The following PRKAA1 variants were observed in gnomAD, a reference collection of about 807,000 sequenced individuals.
The protein encoded by PRKAA1 is protein kinase AMP-activated catalytic subunit alpha 1, also known as 5'-AMP-activated protein kinase catalytic subunit alpha-1.
Under a neutral mutation model 56.9 loss-of-function variants are expected in PRKAA1, and 23 were observed. That is an observed-to-expected ratio of 0.40 (90% confidence interval 0.29 to 0.57). PRKAA1 has a LOEUF of 0.57. Among genes scored for constraint, PRKAA1 ranks in the 20% least tolerant of loss-of-function variants. The pLI, the probability that PRKAA1 is intolerant of heterozygous loss-of-function variation, is 0.39. For synonymous variants in PRKAA1, 226 were observed against 227.0 expected, an observed-to-expected ratio of 1.00 and a Z score of 0.04; for missense variants, 413 against 679.7, an observed-to-expected ratio of 0.61 and a Z score of 4.36.
In PRKAA1 at chr5:40,769,510, G is replaced by A. The variant is rs1743621319; in HGVS notation, c.509-7C>T. On this transcript the variant is annotated splice_region_variant and splice_polypyrimidine_tract_variant and intron_variant, in intron 4 of 8. Coordinates refer to ENST00000397128, the MANE Select transcript of PRKAA1 (RefSeq NM_006251.6). ...GACATCATGTTTGAAAGACCTGAAA[G>A]TGCACAAAATCAGCTACTCAAAAGA... The A allele has an allele frequency of 6.3e-7, 1 of 1,597,192 alleles. No individual in the cohort carries two copies. Among genetic ancestry groups the A allele is most frequent in the Non-Finnish European group, 8.5e-7 (1 of 1,170,122 alleles).
intron 1 of PRKAA1, among the ~76,000 whole-genome samples, chr5:40,781,106 G>A (rs760892667): frequency 1.1e-4 from 16 of 152,026 alleles, no homozygotes; most frequent in Non-Finnish European, 2.2e-4. Context: ...TTCTACCCCA[G>A]GTGTTGGCTT....
chr5:40,790,815 A>G (rs1188761880), intron 1 of PRKAA1, among the ~76,000 whole-genome samples: 1 of 152,240 alleles, frequency 6.6e-6, no homozygotes, highest in Non-Finnish European at 1.5e-5. Context: ...CTGGGATTAC[A>G]GGCGTGAGCC....
chr5:40,767,240 G>GT (rs1271820330), intron 6 of PRKAA1, among the ~76,000 whole-genome samples: 7 of 152,144 alleles, frequency 4.6e-5, no homozygotes, highest in African/African-American at 1.7e-4. Context: ...ACAAAGATGT[G>GT]TAAGTAAAAA....
intron 1 of PRKAA1, among the ~76,000 whole-genome samples, chr5:40,792,196 A>G (rs1744745141): frequency 6.6e-6 from 1 of 152,236 alleles, no homozygotes. Context: ...CCTTTTATAC[A>G]TAAGTGGTAG....
At chr5:40,768,900 T>A (rs762275810) in intron 5 of PRKAA1, 2 of 1,562,824 alleles carry the variant, frequency 1.3e-6, no homozygotes, top group African/African-American at 2.7e-5. Flanking sequence ...TGGTAGTTAG[T>A]AAATTGAGAG....
chr5:40,792,992 G>A (rs1055955747), intron 1 of PRKAA1, among the ~76,000 whole-genome samples: 4 of 151,608 alleles, frequency 2.6e-5, no homozygotes, highest in East Asian at 1.9e-4. Context: ...GCTTGAACCC[G>A]GGAGGTGGAA....
chr5:40,761,730 A>C lies in PRKAA1; in HGVS notation c.*1048T>G, dbSNP rs993503568. 3.3e-5 allele frequency: 5 copies of C among 152,364 alleles called. No individual in the cohort carries two copies. The highest frequency in any genetic ancestry group is 1.2e-4 in the African/African-American group (5 of 41,460). The allele number at this position is 152,364 out of a possible 1,614,324, so 9.4% of individuals were successfully genotyped here. A position where few individuals can be genotyped will look rare whatever the true frequency, so the allele number is the denominator to read the frequency against. On this transcript the variant is annotated 3_prime_UTR_variant, in exon 9 of 9. Coordinates refer to ENST00000397128, the MANE Select transcript of PRKAA1 (RefSeq NM_006251.6). The stretch of plus-strand genomic sequence containing the variant: ...GTGTGCATATACTCAATAATGACTG[A>C]CATGATGGGCCAGAGGAATTTGTGA...
chr5:40,783,526 G>C lies in PRKAA1; in HGVS notation c.128-5940C>G, dbSNP rs1471394324. Among the ~76,000 whole-genome samples, 4 of 152,218 alleles carry C rather than the reference G, an allele frequency of 2.6e-5. No homozygotes were observed. In the East Asian group the frequency reaches 7.7e-4, roughly 29 times the overall value. On this transcript the variant is annotated intron_variant, in intron 1 of 8. Coordinates refer to ENST00000397128, the MANE Select transcript of PRKAA1 (RefSeq NM_006251.6). ...GTAATCCCAGCACTTTGGAGGACGA[G>C]GTGGGTGGATCACAAGGTCAGGAGT...
intron 1 of PRKAA1, among the ~76,000 whole-genome samples, chr5:40,790,525 C>CTCTTTT (rs546238399): frequency 9.8e-5 from 11 of 112,024 alleles, no homozygotes; most frequent in Admixed American, 8.4e-5. Context: ...TCAACTCTTT[C>CTCTTTT]TTTTTTTTTT....
intron 1 of PRKAA1, 21 bp from the exon 2 acceptor site, chr5:40,777,607 T>TA (rs759796131): frequency 6.3e-7 from 1 of 1,580,344 alleles, no homozygotes; most frequent in South Asian, 1.1e-5. Context: ...AGTAATTTAA[T>TA]AAATTAGTAC....
chr5:40,793,431 AACAATC>A (rs1242618269), intron 1 of PRKAA1, among the ~76,000 whole-genome samples: 7 of 152,226 alleles, frequency 4.6e-5, no homozygotes, highest in African/African-American at 1.7e-4. Flanking sequence ...TGTAACAGGA[AACAATC>A]ACTCCGAACT....
intron 6 of PRKAA1, among the ~76,000 whole-genome samples, chr5:40,765,958 C>A (rs1194517128): frequency 6.6e-6 from 1 of 150,702 alleles, no homozygotes; most frequent in Non-Finnish European, 1.5e-5. Context: ...AAAAAAAAAA[C>A]AAGAAAAGAA....
chr5:40,779,974 A>T (rs1343310143), intron 1 of PRKAA1, among the ~76,000 whole-genome samples: 2 of 152,216 alleles, frequency 1.3e-5, no homozygotes, highest in Admixed American at 1.3e-4. Context: ...GAAATGATGC[A>T]AAGATAAAAT....
In PRKAA1 at chr5:40,798,132, C is replaced by T; in HGVS notation, c.58G>A (p.Gly20Arg). ...ATGTAGTGGCCGATCTTCACCCGCC[C>T]GTCGTGTTTCTGCTTCTCGGCTGTC... ...MATAEKQKHD[G>R]RVKIGHYILG... Residue 20 changes from glycine to arginine, a missense_variant, in exon 1 of 9, where the codon GGG becomes AGG. Physicochemically the swap from Gly to Arg is moderately radical, Grantham distance 125. Coordinates refer to ENST00000397128, the MANE Select transcript of PRKAA1 (RefSeq NM_006251.6). 6.2e-7 allele frequency: 1 copy of T among 1,600,728 alleles called. No homozygotes were observed. Among genetic ancestry groups the T allele is most frequent in the Non-Finnish European group, 8.5e-7 (1 of 1,172,158 alleles).
chr5:40,764,676 A>AATTC, intron 7 of PRKAA1, 36 bp from the exon 8 acceptor site: 1 of 1,605,688 alleles, frequency 6.2e-7, no homozygotes, highest in Non-Finnish European at 8.5e-7. Context: ...AGTCAAAAGT[A>AATTC]ATTCTTCTAT....
In PRKAA1 at chr5:40,763,279, C is replaced by T. The variant is rs6870698; in HGVS notation, c.1436-257G>A. ...ATCAGTTGCAATCCAAGGTTAAGAGCCCAGTAAACCAACAATCTAGGGATT... is the reference window on the plus strand; with the variant it reads ...ATCAGTTGCAATCCAAGGTTAAGAGTCCAGTAAACCAACAATCTAGGGATT... On this transcript the variant is annotated intron_variant, in intron 8 of 8. Transcript: ENST00000397128. Among the ~76,000 whole-genome samples the T allele has an allele frequency of 9.5e-3, 1,442 of 152,140 alleles. 26 individuals carry two copies. Among genetic ancestry groups the T allele is most frequent in the African/African-American group, 0.033 (1,355 of 41,504 alleles).
At chr5:40,772,395 G>A (rs1458877063) in intron 3 of PRKAA1, among the ~76,000 whole-genome samples, 1 of 152,074 alleles carries the variant, frequency 6.6e-6, no homozygotes, top group African/African-American at 2.4e-5. Context: ...GAGTGATAGT[G>A]GGGTGAGGGA....
chr5:40,770,655 G>A (rs1454374833), intron 4 of PRKAA1, among the ~76,000 whole-genome samples: 3 of 141,426 alleles, frequency 2.1e-5, no homozygotes, highest in Non-Finnish European at 3.0e-5. Context: ...CCGGACAGGC[G>A]ATCTCAACTC....
At position 40,779,547 on chromosome 5, in the gene PRKAA1, T is replaced by C. The variant is rs140121678; in HGVS notation, c.128-1961A>G. On this transcript the variant is annotated intron_variant, in intron 1 of 8. Coordinates refer to ENST00000397128, the MANE Select transcript of PRKAA1 (RefSeq NM_006251.6). ...GGGTATAATAGGAACAGAGAAAATG[T>C]ATTCATGAAGAAATAGATTAAAAAG... is the stretch of plus-strand genomic sequence containing the variant. Among the ~76,000 whole-genome samples, 14 of 152,314 alleles carry C rather than the reference T, an allele frequency of 9.2e-5. No homozygotes were observed. The East Asian group carries it at 2.7e-3, about 29-fold the overall frequency.
Sources: gnomAD v4.1 joint callset for allele counts (sites outside exome capture counted in the v4.1 genomes callset) on GRCh38, gnomAD v4.1.1 for gene constraint, MANE v1.5 for transcripts, NCBI Gene and HGNC (gene_info 2026-07-23, HGNC 2026-07-21) for gene names.